MCM9: variants seen among roughly 807,000 people sequenced by gnomAD.
The protein encoded by MCM9 is DNA helicase MCM9.
MCM9 carries 55 observed loss-of-function variants against 72.8 expected under a neutral mutation model. That is an observed-to-expected ratio of 0.76 (90% CI 0.61 to 0.95). The LOEUF is 0.95. Among genes scored for constraint, MCM9 ranks in the 40% least tolerant of loss-of-function variants. MCM9 has a pLI of 0.00. For synonymous variants in MCM9, 480 were observed against 503.4 expected, an observed-to-expected ratio of 0.95 and a Z score of 0.62; for missense variants, 1,279 against 1,377.0, an observed-to-expected ratio of 0.93 and a Z score of 1.13.
chr6:118,858,725 C>T (rs1183152038), intron 8 of MCM9, among the ~76,000 whole-genome samples: 1 of 152,124 alleles, frequency 6.6e-6, no homozygotes, highest in East Asian at 1.9e-4. Context: ...ATGCAAGAAT[C>T]TCTATGCAAA....
intron 8 of MCM9, among the ~76,000 whole-genome samples, chr6:118,875,732 C>T (rs1396574688): frequency 2.0e-5 from 3 of 152,052 alleles, no homozygotes; most frequent in African/African-American, 7.2e-5. Context: ...ACTGACAACA[C>T]CAAGTGATGG....
chr6:118,895,267 C>CCCGGGATGCG (rs887105410), intron 8 of MCM9, among the ~76,000 whole-genome samples: 3 of 152,018 alleles, frequency 2.0e-5, no homozygotes, highest in South Asian at 2.1e-4. Context: ...TCGGCCGGCG[C>CCCGGGATGCG]CCGGGATGCG....
At chr6:118,858,231 C>G (rs566292233) in intron 8 of MCM9, among the ~76,000 whole-genome samples, 25 of 152,118 alleles carry the variant, frequency 1.6e-4, no homozygotes, top group Admixed American at 1.6e-3. Context: ...CAGTGTAATT[C>G]GCCATATCAA....
At position 118,932,667 on chromosome 6, in the gene MCM9, CAT is replaced by C; in HGVS notation, c.-78_-77del. ...AATTAACAGACTGTCCTTAGAAATT[CAT>C]ACTTGGAAGTGAATTTGTTTCCTTC... On this transcript the variant is annotated 5_prime_UTR_variant, in exon 2 of 14. The change abolishes an upstream ATG in the 5' untranslated region. Transcript: ENST00000619706. 1.0e-6 allele frequency: 1 copy of C among 958,962 alleles called. No individual in the cohort carries two copies. The highest frequency in any genetic ancestry group is 1.2e-6 in the Non-Finnish European group (1 of 805,794). 59.4% of individuals were successfully genotyped at this position (958,962 alleles called of 1,614,324 possible). A position where few individuals can be genotyped will look rare whatever the true frequency, so the allele number is the denominator to read the frequency against.
chr6:118,831,504 T>G (rs1175973126), intron 9 of MCM9, among the ~76,000 whole-genome samples: 1 of 152,178 alleles, frequency 6.6e-6, no homozygotes, highest in East Asian at 1.9e-4. Context: ...GGCAGATCCC[T>G]GTAGCAAAGA....
intron 9 of MCM9, among the ~76,000 whole-genome samples, chr6:118,838,037 T>C (rs1775085458): frequency 6.6e-6 from 1 of 152,200 alleles, no homozygotes; most frequent in African/African-American, 2.4e-5. Context: ...CTTCAGGAGC[T>C]CTTGTAAGGC....
chr6:118,874,395 CA>C (rs899721873), intron 8 of MCM9, among the ~76,000 whole-genome samples: 15 of 152,110 alleles, frequency 9.9e-5, no homozygotes, highest in African/African-American at 3.6e-4. Flanking sequence ...AACAACAACA[CA>C]AAAAACTCTC....
chr6:118,869,605 AAAAAAAAAAAAAAAGAAGCCAATTT>A (rs1777465597), intron 8 of MCM9, among the ~76,000 whole-genome samples: 1 of 149,266 alleles, frequency 6.7e-6, no homozygotes, highest in Non-Finnish European at 1.5e-5. Context: ...TTTACAAAAA[AAAAAAAAAAAAAAAGAAGCCAATTT>A]AAAAAATGGC....
At chr6:118,896,636 A>G (rs1465625292) in intron 8 of MCM9, among the ~76,000 whole-genome samples, 1 of 152,148 alleles carries the variant, frequency 6.6e-6, no homozygotes, top group East Asian at 1.9e-4. Context: ...CTGAGCATTT[A>G]TTTAGTATTT....
intron 8 of MCM9, among the ~76,000 whole-genome samples, chr6:118,890,906 G>A (rs1425455981): frequency 1.3e-5 from 2 of 152,100 alleles, no homozygotes; most frequent in Non-Finnish European, 2.9e-5. Flanking sequence ...TACCCGAGGT[G>A]GAAATCTAGA....
At chr6:118,895,383 T>G (rs1779322900) in intron 8 of MCM9, among the ~76,000 whole-genome samples, 1 of 152,162 alleles carries the variant, frequency 6.6e-6, no homozygotes, top group South Asian at 2.1e-4. Context: ...GAAGTTACAT[T>G]TAACCTAAAA....
chr6:118,824,705 T>C (rs1480045305), intron 13 of MCM9, among the ~76,000 whole-genome samples: 1 of 152,226 alleles, frequency 6.6e-6, no homozygotes, highest in Non-Finnish European at 1.5e-5. Flanking sequence ...ATAAATGGTT[T>C]CATTATAATT....
At chr6:118,828,412 G>GTCTCACTC (rs1410958690) in intron 10 of MCM9, among the ~76,000 whole-genome samples, 4 of 150,676 alleles carry the variant, frequency 2.7e-5, no homozygotes, top group African/African-American at 9.8e-5. Context: ...TTGAGATGGA[G>GTCTCACTC]TCTCACTCTG....
intron 9 of MCM9, among the ~76,000 whole-genome samples, chr6:118,846,452 A>G (rs2114644050): frequency 6.6e-6 from 1 of 151,968 alleles, no homozygotes; most frequent in South Asian, 2.1e-4. Flanking sequence ...GGAGGAGGAG[A>G]GAATCCCATG....
At position 118,816,124 on chromosome 6, in the gene MCM9, C is replaced by T. The variant is rs994227365; in HGVS notation, c.2132G>A (p.Ser711Asn). The change falls in exon 14 of 14, where the codon AGC becomes AAC. Residue 711 changes from serine to asparagine, a missense_variant. Physicochemically the swap from Ser to Asn is conservative, Grantham distance 46 (BLOSUM62 1). Transcript: ENST00000619706. Reference protein sequence around the residue: ...IFSPGGSPEGSPVLDPPPHLE... With the variant: ...IFSPGGSPEGNPVLDPPPHLE... ...ATGCGGTGGGGGATCTAGAACTGGG[C>T]TTCCCTCGGGGCTGCCTCCAGGAGA... The T allele has an allele frequency of 1.3e-6, 2 of 1,550,422 alleles. No homozygotes were observed. The highest frequency in any genetic ancestry group is 1.7e-6 in the Non-Finnish European group (2 of 1,146,898).
intron 8 of MCM9, among the ~76,000 whole-genome samples, chr6:118,885,199 CAG>C (rs1459188210): frequency 2.6e-5 from 4 of 151,758 alleles, no homozygotes; most frequent in African/African-American, 9.7e-5. Context: ...GCCTGGGAGA[CAG>C]AGTGAGACTC....
At chr6:118,923,790 C>G in intron 4 of MCM9, 21 bp downstream of exon 4, 1 of 1,600,164 alleles carries the variant, frequency 6.2e-7, no homozygotes, top group Middle Eastern at 1.7e-4. Context: ...ATTTATTTAT[C>G]TCGTTTATGT....
Position 118,874,053 on chromosome 6 carries a change from A to C in MCM9, c.1151-17508T>G, listed in dbSNP as rs933124583. Among the ~76,000 whole-genome samples, 4 of 152,208 alleles carry C rather than the reference A, an allele frequency of 2.6e-5. No individual in the cohort carries two copies. The East Asian group carries it at 7.7e-4, about 29-fold the overall frequency. On this transcript the variant is annotated intron_variant, in intron 8 of 13. Coordinates refer to ENST00000619706, the MANE Select transcript of MCM9 (RefSeq NM_017696.3). ...CGGATTGCTTGAGCCCAGAAGTTCAAAGACCAGCCTGGGCAACATGGTGAA... is the reference window on the plus strand; with the variant it reads ...CGGATTGCTTGAGCCCAGAAGTTCACAGACCAGCCTGGGCAACATGGTGAA...
At position 118,917,628 on chromosome 6, in the gene MCM9, G is replaced by C; in HGVS notation, c.837C>G (p.Ile279Met). The C allele has an allele frequency of 6.2e-7, 1 of 1,614,148 alleles. No individual in the cohort carries two copies. The highest frequency in any genetic ancestry group is 8.5e-7 in the Non-Finnish European group (1 of 1,180,018). ...ATTCCTTTTGGACCTCCTCATCCAT[G>C]ATGATCCCTGAGGACTGCTCATTAT... Reference protein sequence around the residue: ...QVNNEQSSGIIMDEEVQKEFE... With the variant: ...QVNNEQSSGIMMDEEVQKEFE... The change falls in exon 6 of 14, where the codon ATC becomes ATG. Residue 279 changes from isoleucine (I) to methionine (M), a missense_variant. By Grantham distance (10) the Ile-to-Met change is conservative (BLOSUM62 1). Transcript: ENST00000619706.
Sources: allele counts gnomAD v4.1 joint callset (sites outside exome capture counted in the v4.1 genomes callset), GRCh38; gene constraint gnomAD v4.1.1; transcripts MANE v1.5; gene names NCBI Gene and HGNC (gene_info 2026-07-23, HGNC 2026-07-21).